The following MACROD2 variants were observed in gnomAD, a reference collection of about 807,000 sequenced individuals.
MACROD2 encodes ADP-ribose glycohydrolase MACROD2.
Under a neutral mutation model 70.4 loss-of-function variants are expected in MACROD2, and 36 were observed. The observed-to-expected ratio is 0.51, with a 90% confidence interval of 0.39 to 0.68. MACROD2 has a LOEUF of 0.68. Ranked by LOEUF, MACROD2 falls within the 30% of genes least tolerant of loss-of-function variation. MACROD2 has a pLI of 0.00. For synonymous variants in MACROD2, 172 were observed against 178.8 expected, an observed-to-expected ratio of 0.96 and a Z score of 0.30; for missense variants, 496 against 538.4, an observed-to-expected ratio of 0.92 and a Z score of 0.78.
chr20:14,120,552 A>G (rs954088220), intron 3 of MACROD2, among the ~76,000 whole-genome samples: 2 of 151,976 alleles, frequency 1.3e-5, no homozygotes, highest in Non-Finnish European at 2.9e-5. Context: ...AAATCATTCT[A>G]CTATAAAGAC....
chr20:15,222,933 C>A (rs2076874250), intron 5 of MACROD2, among the ~76,000 whole-genome samples: 1 of 152,146 alleles, frequency 6.6e-6, no homozygotes, highest in Non-Finnish European at 1.5e-5. Context: ...ACATATTTTT[C>A]AATTTACACT....
At chr20:15,195,120 CTG>C (rs1177628361) in intron 5 of MACROD2, among the ~76,000 whole-genome samples, 2 of 152,114 alleles carry the variant, frequency 1.3e-5, no homozygotes, top group Non-Finnish European at 2.9e-5. Flanking sequence ...AAACCCAAAA[CTG>C]TGAAATCCCT....
intron 6 of MACROD2, among the ~76,000 whole-genome samples, chr20:15,249,419 C>T (rs1261164825): frequency 6.6e-6 from 1 of 152,140 alleles, no homozygotes; most frequent in Non-Finnish European, 1.5e-5. Context: ...TTTTGCACAT[C>T]CTGCCAGAAA....
chr20:15,862,188 C>T (rs764373315), intron 8 of MACROD2, among the ~76,000 whole-genome samples: 1 of 152,218 alleles, frequency 6.6e-6, no homozygotes, highest in Non-Finnish European at 1.5e-5. Context: ...GCGTCACTGT[C>T]AGCTAGTTAC....
intron 3 of MACROD2, among the ~76,000 whole-genome samples, chr20:14,357,843 T>C (rs1300726025): frequency 6.6e-6 from 1 of 152,220 alleles, no homozygotes; most frequent in African/African-American, 2.4e-5. Context: ...AACTTGCAAA[T>C]AAGACAGTGC....
chr20:15,559,622 G>A (rs1026836976), intron 8 of MACROD2, among the ~76,000 whole-genome samples: 1 of 152,130 alleles, frequency 6.6e-6, no homozygotes, highest in Admixed American at 6.5e-5. Flanking sequence ...GAGAGATGAC[G>A]GGTTGAGTGG....
At chr20:15,968,909 G>A (rs1255021347) in intron 13 of MACROD2, among the ~76,000 whole-genome samples, 1 of 148,804 alleles carries the variant, frequency 6.7e-6, no homozygotes, top group African/African-American at 2.5e-5. Flanking sequence ...AGATACTGAA[G>A]AACTGTAAAG....
intron 10 of MACROD2, among the ~76,000 whole-genome samples, chr20:15,891,221 T>C (rs1003938554): frequency 2.0e-5 from 3 of 150,660 alleles, no homozygotes; most frequent in African/African-American, 7.3e-5. Flanking sequence ...GTTGGAGGAG[T>C]GGGGGTGAGA....
intron 5 of MACROD2, among the ~76,000 whole-genome samples, chr20:14,793,571 C>T (rs898177665): frequency 1.3e-5 from 2 of 151,828 alleles, no homozygotes; most frequent in African/African-American, 4.8e-5. Context: ...CATAGGGAAT[C>T]GATTATACCG....
intron 5 of MACROD2, among the ~76,000 whole-genome samples, chr20:15,089,937 T>G (rs891999877): frequency 2.6e-5 from 4 of 152,096 alleles, no homozygotes; most frequent in Admixed American, 2.6e-4. Context: ...AAACCCTGAA[T>G]AGTTTGAAAA....
chr20:14,295,154 G>A (rs926859525), intron 3 of MACROD2, among the ~76,000 whole-genome samples: 3 of 151,802 alleles, frequency 2.0e-5, no homozygotes, highest in Admixed American at 1.3e-4. Context: ...GTGTGTGCAC[G>A]TGTGTGTTTT....
At chr20:14,053,612 A>G (rs1034999930) in intron 2 of MACROD2, 1 of 152,106 alleles carries the variant, frequency 6.6e-6, no homozygotes, top group Non-Finnish European at 1.5e-5. Context: ...CTTCACTTCC[A>G]CTTTAAAATT....
intron 6 of MACROD2, among the ~76,000 whole-genome samples, chr20:15,296,795 T>A (rs1028514409): frequency 1.1e-4 from 16 of 152,230 alleles, no homozygotes; most frequent in African/African-American, 3.9e-4. Flanking sequence ...TTGCAGCAAA[T>A]AAATGGCAAC....
At chr20:15,939,308 G>T (rs2065714784) in intron 12 of MACROD2, among the ~76,000 whole-genome samples, 1 of 152,162 alleles carries the variant, frequency 6.6e-6, no homozygotes, top group African/African-American at 2.4e-5. Flanking sequence ...AGGACAGGCT[G>T]GCTCTCTTGT....
chr20:14,912,174 T>G (rs568769830), intron 5 of MACROD2, among the ~76,000 whole-genome samples: 1 of 152,266 alleles, frequency 6.6e-6, no homozygotes, highest in Non-Finnish European at 1.5e-5. Context: ...CTGTCTGTCT[T>G]AAGAAGGAGG....
At chr20:14,384,844 C>T (rs1380129880) in intron 3 of MACROD2, among the ~76,000 whole-genome samples, 1 of 152,088 alleles carries the variant, frequency 6.6e-6, no homozygotes, top group Non-Finnish European at 1.5e-5. Context: ...ATCTGATATA[C>T]TTTAGAGTGC....
At chr20:14,068,396 G>A (rs941564081) in intron 2 of MACROD2, among the ~76,000 whole-genome samples, 11 of 152,052 alleles carry the variant, frequency 7.2e-5, no homozygotes, top group African/African-American at 2.7e-4. Flanking sequence ...TTCCAGGCAT[G>A]ATCAGCTTGC....
chr20:15,345,336 T>A (rs2078154367), intron 6 of MACROD2, among the ~76,000 whole-genome samples: 1 of 152,206 alleles, frequency 6.6e-6, no homozygotes, highest in African/African-American at 2.4e-5. Flanking sequence ...GGTTCTTGTA[T>A]TTATCAGTGA....
intron 3 of MACROD2, among the ~76,000 whole-genome samples, chr20:14,452,444 A>G (rs1399154419): frequency 6.6e-6 from 1 of 152,090 alleles, no homozygotes; most frequent in Non-Finnish European, 1.5e-5. Flanking sequence ...TTCTTGTAGG[A>G]CTTTTCATTA....
Sources: allele counts gnomAD v4.1 joint callset (sites outside exome capture counted in the v4.1 genomes callset), GRCh38; gene constraint gnomAD v4.1.1; transcripts MANE v1.5; gene names NCBI Gene and HGNC (gene_info 2026-07-23, HGNC 2026-07-21).